The following NOS1AP variants were observed in gnomAD, a reference collection of about 807,000 sequenced individuals.
NOS1AP encodes the protein carboxyl-terminal PDZ ligand of neuronal nitric oxide synthase protein.
In NOS1AP, 21 loss-of-function variants were observed where a neutral mutation model predicts 56.2. The observed-to-expected ratio is 0.37, with a 90% confidence interval of 0.26 to 0.54. The LOEUF (loss-of-function observed/expected upper bound fraction) is 0.54, where lower values mean the gene tolerates loss of function less well. Ranked by LOEUF, NOS1AP falls within the 20% of genes least tolerant of loss-of-function variation. The pLI, the probability that NOS1AP is intolerant of heterozygous loss-of-function variation, is 0.84. For missense variants in NOS1AP, 522 were observed against 657.8 expected (o/e 0.79, Z 2.26); for synonymous variants, 270 against 274.6 (o/e 0.98, Z 0.17).
chr1:162,339,401 T>TA (rs5778267), intron 5 of NOS1AP, among the ~76,000 whole-genome samples: 3 of 149,738 alleles, frequency 2.0e-5, no homozygotes, highest in African/African-American at 7.4e-5. Flanking sequence ...ATGCTTTTTT[T>TA]AAAAAAAAAA....
At position 162,343,843 on chromosome 1, in the gene NOS1AP, T is replaced by C; in HGVS notation, c.462T>C (p.Ala154=). ...NVFKSKKKSQ[A]MRIVRTVGQA... The stretch of plus-strand genomic sequence containing the variant: ...TCCTTTCTCCTTCCCAGAGCCAAGC[T>C]ATGAGAATCGTTCGGACGGTGGGGC... Residue 154 remains alanine (A), a synonymous_variant, in exon 6 of 10, where the codon GCT becomes GCC. Coordinates refer to ENST00000361897, the MANE Select transcript of NOS1AP (RefSeq NM_014697.3). 1.2e-6 allele frequency: 2 copies of C among 1,614,170 alleles called. No individual in the cohort carries two copies. The highest frequency in any genetic ancestry group is 1.7e-4 in the Middle Eastern group (1 of 6,060).
chr1:162,150,039 A>G (rs553274071), intron 1 of NOS1AP, among the ~76,000 whole-genome samples: 1 of 152,304 alleles, frequency 6.6e-6, no homozygotes, highest in South Asian at 2.1e-4. Flanking sequence ...ATTGTTGACT[A>G]TAGTCATCCT....
chr1:162,238,542 A>G (rs1401402066), intron 2 of NOS1AP, among the ~76,000 whole-genome samples: 1 of 152,168 alleles, frequency 6.6e-6, no homozygotes, highest in African/African-American at 2.4e-5. Flanking sequence ...CTGAATGCAT[A>G]CCAAGAGCCA....
Position 162,367,250 on chromosome 1 carries a change from C to T in NOS1AP, c.1304C>T (p.Pro435Leu), listed in dbSNP as rs1331199467. Residue 435 changes from proline (P) to leucine (L), a missense_variant, in exon 10 of 10, where the codon CCG becomes CTG. Coordinates refer to ENST00000361897, the MANE Select transcript of NOS1AP (RefSeq NM_014697.3). This position sits in a 1 kb window ranked among gnomAD's most constrained non-coding sequence, Gnocchi z 6.5. ...LVKLECFRFLPPEDTPPPAQG... is the reference protein window; with the variant it reads ...LVKLECFRFLLPEDTPPPAQG... ...AAGCTGGAGTGCTTTCGCTTTCTTC[C>T]GCCCGAGGACACCCCGCCCCCAGCG... 1 of 1,613,634 alleles carries T rather than the reference C, an allele frequency of 6.2e-7. No homozygotes were observed. Among genetic ancestry groups the T allele is most frequent in the Non-Finnish European group, 8.5e-7 (1 of 1,179,960 alleles).
intron 2 of NOS1AP, among the ~76,000 whole-genome samples, chr1:162,191,193 A>T (rs1651629461): frequency 6.6e-6 from 1 of 152,108 alleles, no homozygotes; most frequent in South Asian, 2.1e-4. Context: ...GATTTTTCTC[A>T]GTGTGCCCCA....
chr1:162,344,822 A>G (rs1657225287), intron 6 of NOS1AP, among the ~76,000 whole-genome samples: 2 of 152,258 alleles, frequency 1.3e-5, no homozygotes, highest in Non-Finnish European at 2.9e-5. Context: ...GGGAAACCCA[A>G]GAAAATAAAC....
chr1:162,323,830 C>G (rs373558581), intron 4 of NOS1AP, among the ~76,000 whole-genome samples: 2 of 152,204 alleles, frequency 1.3e-5, no homozygotes, highest in Admixed American at 6.5e-5. Flanking sequence ...GCCTTTGGCT[C>G]TGTTCTGTCA....
chr1:162,262,043 T>C (rs1163715371), intron 2 of NOS1AP, among the ~76,000 whole-genome samples: 1 of 152,122 alleles, frequency 6.6e-6, no homozygotes, highest in Non-Finnish European at 1.5e-5. Flanking sequence ...GGCTTGCCTA[T>C]AGAGAAAGTA....
At chr1:162,141,666 C>G (rs1649240246) in intron 1 of NOS1AP, among the ~76,000 whole-genome samples, 1 of 152,192 alleles carries the variant, frequency 6.6e-6, no homozygotes, top group Non-Finnish European at 1.5e-5. Flanking sequence ...GCTTTTCTTG[C>G]TCTCTTTCTT....
intron 1 of NOS1AP, among the ~76,000 whole-genome samples, chr1:162,095,743 T>G (rs920717076): frequency 3.9e-5 from 6 of 152,228 alleles, no homozygotes; most frequent in Admixed American, 2.0e-4. Context: ...AGTACTAGCC[T>G]TGATACCAAC....
chr1:162,124,367 G>T (rs1407789340), intron 1 of NOS1AP, among the ~76,000 whole-genome samples: 2 of 152,062 alleles, frequency 1.3e-5, no homozygotes, highest in Non-Finnish European at 2.9e-5. Flanking sequence ...CTTGTAATGA[G>T]GACATGTGGT....
chr1:162,252,305 C>G (rs1167407869), intron 2 of NOS1AP, among the ~76,000 whole-genome samples: 1 of 152,152 alleles, frequency 6.6e-6, no homozygotes, highest in Non-Finnish European at 1.5e-5. Context: ...CTTCCTCCTC[C>G]CAACATGCTG....
At chr1:162,092,887 G>A (rs1692165342) in intron 1 of NOS1AP, among the ~76,000 whole-genome samples, 1 of 152,092 alleles carries the variant, frequency 6.6e-6, no homozygotes, top group South Asian at 2.1e-4. Flanking sequence ...CGAGAAAAAT[G>A]GCTCCTTTAA....
At chr1:162,352,849 A>G (rs908783144) in intron 6 of NOS1AP, among the ~76,000 whole-genome samples, 1 of 152,306 alleles carries the variant, frequency 6.6e-6, no homozygotes, top group Non-Finnish European at 1.5e-5. Context: ...AGTCCATAAC[A>G]TACCCAACAG....
intron 1 of NOS1AP, among the ~76,000 whole-genome samples, chr1:162,116,279 C>T: frequency 6.6e-6 from 1 of 152,174 alleles, no homozygotes; most frequent in African/African-American, 2.4e-5. Flanking sequence ...GGTTGATGCC[C>T]TGTGGGAGAT....
chr1:162,202,546 T>TGTCTAATC (rs1652030710), intron 2 of NOS1AP, among the ~76,000 whole-genome samples: 1 of 152,186 alleles, frequency 6.6e-6, no homozygotes, highest in Admixed American at 6.5e-5. Context: ...AGTGTGATTT[T>TGTCTAATC]GTCTAATCAT....
intron 2 of NOS1AP, among the ~76,000 whole-genome samples, chr1:162,163,752 C>G (rs1650342727): frequency 6.6e-6 from 1 of 152,162 alleles, no homozygotes; most frequent in Non-Finnish European, 1.5e-5. Flanking sequence ...GACTTGGGAG[C>G]TTGAGGGAGT....
Position 162,355,242 on chromosome 1 carries a change from C to A in NOS1AP, c.651C>A (p.Asp217Glu), listed in dbSNP as rs761241945. Residue 217 changes from aspartate (D) to glutamate (E), a missense_variant, in exon 7 of 10, where the codon GAC becomes GAA. This residue lies in a region of NOS1AP where 178 missense variants were observed against 165.0 expected (regional missense o/e 1.08). Transcript: ENST00000361897. ...RASTATAEET[D>E]IDAVEVPLPG... ...CCACGGCCACTGCAGAGGAGACTGA[C>A]ATCGATGCGGTGGAGGTCCCACTTC... is the stretch of plus-strand genomic sequence containing the variant. 1 of 1,614,154 alleles carries A rather than the reference C, an allele frequency of 6.2e-7. No individual in the cohort carries two copies. Among genetic ancestry groups the A allele is most frequent in the East Asian group, 2.2e-5 (1 of 44,882 alleles).
Position 162,367,425 on chromosome 1 carries a change from G to A in NOS1AP, c.1479G>A (p.Arg493=), listed in dbSNP as rs1158076593. Residue 493 remains arginine (R), a synonymous_variant, in exon 10 of 10, where the codon AGG becomes AGA. Coordinates refer to ENST00000361897, the MANE Select transcript of NOS1AP (RefSeq NM_014697.3). This position sits in a 1 kb window ranked among gnomAD's most constrained non-coding sequence, Gnocchi z 6.5. ...ELPRLLNVLQ[R]QELGDGLDDE... ...CGCGCCTGCTGAATGTCCTGCAGAG[G>A]CAGGAACTGGGCGACGGCCTGGATG... is the stretch of plus-strand genomic sequence containing the variant. The A allele has an allele frequency of 1.3e-6, 2 of 1,586,614 alleles. No homozygotes were observed. The highest frequency in any genetic ancestry group is 2.7e-5 in the African/African-American group (2 of 74,560).
Sources: gnomAD v4.1 joint callset for allele counts (sites outside exome capture counted in the v4.1 genomes callset) on GRCh38, gnomAD v4.1.1 for gene constraint, gnomAD v4.1.1 regional missense constraint, Gnocchi (gnomAD v3.1) non-coding constraint, MANE v1.5 for transcripts, NCBI Gene and HGNC (gene_info 2026-07-23, HGNC 2026-07-21) for gene names.